SYCP3: variants seen among roughly 807,000 people sequenced by gnomAD.
The protein encoded by SYCP3 is synaptonemal complex protein 3.
Under a neutral mutation model 38.5 loss-of-function variants are expected in SYCP3, and 29 were observed. The ratio of observed to expected loss-of-function variants is 0.75; its 90% CI spans 0.56 to 1.03. The LOEUF (loss-of-function observed/expected upper bound fraction) is 1.03, where lower values mean the gene tolerates loss of function less well. Among genes scored for constraint, SYCP3 ranks in the 50% least tolerant of loss-of-function variants. SYCP3 has a pLI of 0.00. For missense variants in SYCP3, 242 were observed against 270.7 expected (o/e 0.89, Z 0.74); for synonymous variants, 79 against 80.3 (o/e 0.98, Z 0.08).
At chr12:101,734,569 AG>A (rs1220511706) in intron 5 of SYCP3, among the ~76,000 whole-genome samples, 1 of 152,212 alleles carries the variant, frequency 6.6e-6, no homozygotes, top group African/African-American at 2.4e-5. Flanking sequence ...CATTTTCACT[AG>A]AAACCCCAGT....
At chr12:101,733,493 G>A in intron 6 of SYCP3, 82 bp downstream of exon 6, 2 of 1,286,268 alleles carry the variant, frequency 1.6e-6, no homozygotes, top group Non-Finnish European at 2.2e-6. Flanking sequence ...ACCTGGCTCA[G>A]TTCCACTGGT....
Position 101,734,946 on chromosome 12 carries a change from T to G in SYCP3, c.334A>C (p.Lys112Gln). The G allele has an allele frequency of 6.2e-7, 1 of 1,612,360 alleles. No homozygotes were observed. The highest frequency in any genetic ancestry group is 1.1e-5 in the South Asian group (1 of 91,024). The change falls in exon 5 of 9, where the codon AAA becomes CAA. Residue 112 changes from lysine to glutamine, a missense_variant. By Grantham distance (53) the Lys-to-Gln change is moderately conservative. Transcript: ENST00000392924. ...CCTTACCTTTGATCTTGTTGTGTTT[T>G]CCAAACATGTTCAATTTTCTGGTTA... ...TSNQKIEHVW[K>Q]TQQDQRQKLN... is the part of the protein sequence containing the mutation.
At chr12:101,738,890 TCA>T (rs1952590001) in intron 1 of SYCP3, among the ~76,000 whole-genome samples, 1 of 152,190 alleles carries the variant, frequency 6.6e-6, no homozygotes, top group African/African-American at 2.4e-5. Context: ...GGGCGCTCAG[TCA>T]CGCGGGGAAA....
In SYCP3 at chr12:101,735,851, T is replaced by TTA. The variant is rs1157750107; in HGVS notation, c.236-809_236-808dup. Among the ~76,000 whole-genome samples, 197 of 96,028 alleles carry TTA rather than the reference T, an allele frequency of 2.1e-3. 12 individuals carry two copies. Among genetic ancestry groups the TTA allele is most frequent in the East Asian group, 7.5e-3 (24 of 3,214 alleles). 63.0% of individuals were successfully genotyped at this position (96,028 alleles called of 152,430 possible). The stretch of plus-strand genomic sequence containing the variant: ...AAAACTATTTTTAATATAATCAATT[T>TTA]TATATATATATATATATATATTTTT... On this transcript the variant is annotated intron_variant, in intron 4 of 8. Transcript: ENST00000392924.
At chr12:101,737,638 C>G (rs1166022925) in intron 2 of SYCP3, 165 bp downstream of exon 2, 16 of 911,548 alleles carry the variant, frequency 1.8e-5, no homozygotes, top group Non-Finnish European at 2.6e-5. Context: ...ATGAGAAACA[C>G]AAGTACAGCT....
intron 2 of SYCP3, 97 bp from the exon 3 acceptor site, chr12:101,737,395 G>C (rs1456124108): frequency 8.4e-7 from 1 of 1,186,198 alleles, no homozygotes; most frequent in African/African-American, 1.5e-5. Context: ...GGGATTTTTA[G>C]GCTTTTTGCC....
chr12:101,728,939 G>T lies in SYCP3; in HGVS notation c.699C>A (p.Ser233=), dbSNP rs776644330. The T allele has an allele frequency of 8.1e-6, 13 of 1,613,340 alleles. No individual in the cohort carries two copies. The highest frequency in any genetic ancestry group is 1.7e-5 in the Admixed American group (1 of 59,990). ...EIASVRKSLQ[S]MLF is the part of the protein sequence containing the mutation. Reference sequence around the variant, plus strand: ...CTTCAAAGAGTCATCAGAATAACATGGATTGAAGAGACTTCCGAACACTTG... The same window carrying T: ...CTTCAAAGAGTCATCAGAATAACATTGATTGAAGAGACTTCCGAACACTTG... The change falls in exon 9 of 9, where the codon TCC becomes TCA. Residue 233 remains serine (S), a synonymous_variant. Transcript: ENST00000392924.
intron 4 of SYCP3, among the ~76,000 whole-genome samples, chr12:101,736,367 C>T (rs962368536): frequency 2.0e-5 from 3 of 151,998 alleles, no homozygotes; most frequent in African/African-American, 7.2e-5. Context: ...CACTGTTTCA[C>T]CACCGGACAG....
Position 101,737,918 on chromosome 12 carries a change from T to A in SYCP3, c.18A>T (p.Lys6Asn), listed in dbSNP as rs370045181. ...GCTTCCCAGATTTCCTGGAATACTT[T>A]TTTCCGGAGGACACCATATTTAGAT... MVSSG[K>N]KYSRKSGKPS... The change falls in exon 2 of 9, where the codon AAA (lysine) becomes AAT (asparagine). Residue 6 changes from lysine to asparagine, a missense_variant. Transcript: ENST00000392924. 3.1e-6 allele frequency: 5 copies of A among 1,614,068 alleles called. No homozygotes were observed. The African/African-American group carries it at 6.7e-5, about 22-fold the overall frequency.
chr12:101,733,557 C>G lies in SYCP3; in HGVS notation c.453+18G>C. The G allele has an allele frequency of 1.9e-6, 3 of 1,595,650 alleles. No homozygotes were observed. Among genetic ancestry groups the G allele is most frequent in the Non-Finnish European group, 8.6e-7 (1 of 1,165,398 alleles). ...TACTTGAGACTTGGTTGATTATAAA[C>G]CTAATCATGATACCAACAAGTATTT... On this transcript the variant is annotated intron_variant, in intron 6 of 8. Coordinates refer to ENST00000392924, the MANE Select transcript of SYCP3 (RefSeq NM_001177949.2).
intron 4 of SYCP3, among the ~76,000 whole-genome samples, chr12:101,736,312 T>C (rs575225296): frequency 6.6e-6 from 1 of 152,270 alleles, no homozygotes; most frequent in South Asian, 2.1e-4. Context: ...ATTACATAAA[T>C]ATTTTATACT....
chr12:101,739,290 T>G, intron 1 of SYCP3, 61 bp downstream of exon 1: 1 of 1,002,412 alleles, frequency 1.0e-6, no homozygotes, highest in Non-Finnish European at 1.2e-6. Context: ...TTTACCTCAC[T>G]GGTCAAGGGC....
At chr12:101,733,307 C>T (rs992088197) in intron 6 of SYCP3, 4 of 412,708 alleles carry the variant, frequency 9.7e-6, no homozygotes, top group South Asian at 2.6e-5. Context: ...TAAACTGCCC[C>T]GACTTCTTTT....
At chr12:101,730,301 T>C (rs1952128444) in intron 7 of SYCP3, among the ~76,000 whole-genome samples, 1 of 151,966 alleles carries the variant, frequency 6.6e-6, no homozygotes, top group Non-Finnish European at 1.5e-5. Flanking sequence ...AGAAAGGAGA[T>C]GGAAGAGTCA....
At chr12:101,733,747 GAC>G (rs1952280217) in intron 5 of SYCP3, 73 bp from the exon 6 acceptor site, 4 of 1,363,880 alleles carry the variant, frequency 2.9e-6, no homozygotes, top group Admixed American at 1.8e-5. Context: ...AAACTGAGTT[GAC>G]ACAGTTATAC....
chr12:101,737,133 A>G, intron 3 of SYCP3, 62 bp from the exon 4 acceptor site: 2 of 1,607,576 alleles, frequency 1.2e-6, no homozygotes, highest in Non-Finnish European at 1.7e-6. Flanking sequence ...CTTGTTTTGG[A>G]AGAAATACCA....
chr12:101,735,871 A>ATATAT lies in SYCP3; in HGVS notation c.236-828_236-827insATATA. On this transcript the variant is annotated intron_variant, in intron 4 of 8. Transcript: ENST00000392924. ...CAATTTTATATATATATATATATAT[A>ATATAT]TTTTTTTTTTTTTAAAGACACGGGG... 9.4e-5 allele frequency among the ~76,000 whole-genome samples: 7 copies of ATATAT among 74,762 alleles called. 1 individual carries two copies. The highest frequency in any genetic ancestry group is 7.7e-4 in the East Asian group (2 of 2,614). The allele number at this position is 74,762 out of a possible 152,430, so 49.0% of individuals were successfully genotyped here. A position where few individuals can be genotyped will look rare whatever the true frequency, so the allele number is the denominator to read the frequency against.
chr12:101,729,025 TAA>T (rs1415018190), intron 8 of SYCP3, 45 bp from the exon 9 acceptor site: 2 of 1,611,634 alleles, frequency 1.2e-6, no homozygotes, highest in Non-Finnish European at 1.7e-6. Flanking sequence ...AATTTTTATT[TAA>T]GTGTTATACC....
intron 4 of SYCP3, among the ~76,000 whole-genome samples, chr12:101,736,407 A>G (rs12580828): frequency 1.3e-5 from 2 of 152,136 alleles, no homozygotes; most frequent in Admixed American, 6.5e-5. Flanking sequence ...AGTTGACTGT[A>G]TGAACAATCC....
Sources: gnomAD v4.1 joint callset for allele counts (sites outside exome capture counted in the v4.1 genomes callset) on GRCh38, gnomAD v4.1.1 for gene constraint, MANE v1.5 for transcripts, NCBI Gene and HGNC (gene_info 2026-07-23, HGNC 2026-07-21) for gene names.